Variants in PKHD1 observed in about 807,000 individuals in gnomAD.
The protein encoded by PKHD1 is PKHD1 ciliary IPT domain containing fibrocystin/polyductin.
A neutral mutation model predicts 412.0 loss-of-function variants in PKHD1; 291 were observed. That is an observed-to-expected ratio of 0.71 (90% confidence interval 0.64 to 0.78). PKHD1 has a LOEUF of 0.78. Among genes scored for constraint, PKHD1 ranks in the 30% least tolerant of loss-of-function variants. The probability of loss-of-function intolerance (pLI) is 0.00; values close to 1 mark genes in which losing one functional copy is unlikely to be tolerated. For missense variants in PKHD1, 4,825 were observed against 4,950.7 expected (o/e 0.97, Z 0.76); for synonymous variants, 1,777 against 1,821.5 (o/e 0.98, Z 0.62).
intron 37 of PKHD1, among the ~76,000 whole-genome samples, chr6:51,931,752 T>A (rs1443792678): frequency 6.6e-6 from 1 of 152,190 alleles, no homozygotes; most frequent in Non-Finnish European, 1.5e-5. Context: ...GTCAATTCTC[T>A]GTCCTAAATG....
In PKHD1 at chr6:51,734,802, G is replaced by C. The variant is rs568863013; in HGVS notation, c.10156+9583C>G. Among the ~76,000 whole-genome samples, 105 of 152,036 alleles carry C rather than the reference G, an allele frequency of 6.9e-4. 1 individual carries two copies. The highest frequency in any genetic ancestry group is 1.1e-3 in the Non-Finnish European group (77 of 68,034). Reference sequence around the variant, plus strand: ...AGTACTATGTTGAATCCACACAAACGAAGTGATGTGTTAGCCATCTTATTA... The same window carrying C: ...AGTACTATGTTGAATCCACACAAACCAAGTGATGTGTTAGCCATCTTATTA... On this transcript the variant is annotated intron_variant, in intron 60 of 66. Coordinates refer to ENST00000371117, the MANE Select transcript of PKHD1 (RefSeq NM_138694.4).
At chr6:51,926,269 G>A (rs1338566135) in intron 37 of PKHD1, among the ~76,000 whole-genome samples, 1 of 152,172 alleles carries the variant, frequency 6.6e-6, no homozygotes, top group East Asian at 1.9e-4. Context: ...GAAGCCAGCT[G>A]AGGGGAAAGC....
intron 34 of PKHD1, among the ~76,000 whole-genome samples, chr6:52,011,091 C>T (rs1799760610): frequency 6.6e-6 from 1 of 152,108 alleles, no homozygotes; most frequent in Non-Finnish European, 1.5e-5. Context: ...TAAGGAGATT[C>T]AATATATGTG....
chr6:51,846,207 AG>A (rs1438297924), intron 50 of PKHD1, among the ~76,000 whole-genome samples: 1 of 152,248 alleles, frequency 6.6e-6, no homozygotes, highest in Non-Finnish European at 1.5e-5. Context: ...ACATAAAAAA[AG>A]ACCAAGGGAG....
intron 55 of PKHD1, among the ~76,000 whole-genome samples, chr6:51,756,387 T>C (rs1787014792): frequency 6.6e-6 from 1 of 152,140 alleles, no homozygotes; most frequent in Non-Finnish European, 1.5e-5. Flanking sequence ...ACTGATAAAG[T>C]CCAGCATTTT....
At chr6:51,886,938 C>T (rs1778302524) in intron 44 of PKHD1, among the ~76,000 whole-genome samples, 195 bp downstream of exon 44, 1 of 152,172 alleles carries the variant, frequency 6.6e-6, no homozygotes, top group African/African-American at 2.4e-5. Context: ...TATCTCCAAA[C>T]TCATCAAGTT....
At chr6:51,915,110 G>A (rs1246551941) in intron 37 of PKHD1, among the ~76,000 whole-genome samples, 1 of 152,060 alleles carries the variant, frequency 6.6e-6, no homozygotes, top group Non-Finnish European at 1.5e-5. Context: ...GAAGATGACA[G>A]AGAAGATATG....
intron 60 of PKHD1, among the ~76,000 whole-genome samples, chr6:51,713,936 T>C (rs1297147315): frequency 1.3e-5 from 2 of 152,146 alleles, no homozygotes; most frequent in Non-Finnish European, 2.9e-5. Context: ...CTCTTCTTCT[T>C]CAGGAATTGC....
chr6:52,068,891 CA>C (rs778022287), intron 11 of PKHD1, among the ~76,000 whole-genome samples: 49 of 152,290 alleles, frequency 3.2e-4, no homozygotes, highest in Non-Finnish European at 6.0e-4. Flanking sequence ...GAATCTGAAC[CA>C]ACCCCACAGA....
chr6:51,755,766 T>C (rs1446385556), intron 55 of PKHD1, among the ~76,000 whole-genome samples: 1 of 152,210 alleles, frequency 6.6e-6, no homozygotes, highest in East Asian at 1.9e-4. Flanking sequence ...TGAATGTTCA[T>C]TCAGACAACA....
In PKHD1 at chr6:52,024,728, A is replaced by G; in HGVS notation, c.5082T>C (p.Gly1694=). The G allele has an allele frequency of 6.2e-7, 1 of 1,614,184 alleles. No homozygotes were observed. The highest frequency in any genetic ancestry group is 8.5e-7 in the Non-Finnish European group (1 of 1,180,034). Residue 1694 remains glycine (G), a synonymous_variant, in exon 32 of 67, where the codon GGT becomes GGC. Coordinates refer to ENST00000371117, the MANE Select transcript of PKHD1 (RefSeq NM_138694.4). The part of the protein sequence containing the change: ...DIFIGMSPCV[G]VSGNHTVLQC... ...GAAGAACGGTGTGGTTACCAGAGAC[A>G]CCCACACAGGGTGACATTCCTATAA...
chr6:52,020,526 C>T (rs1046951548), intron 33 of PKHD1, among the ~76,000 whole-genome samples: 2 of 152,174 alleles, frequency 1.3e-5, no homozygotes, highest in African/African-American at 4.8e-5. Context: ...CAGTAGGGCC[C>T]AAGAATTCAC....
At chr6:51,925,442 T>C (rs2127730519) in intron 37 of PKHD1, among the ~76,000 whole-genome samples, 1 of 99,426 alleles carries the variant, frequency 1.0e-5, no homozygotes, top group South Asian at 3.9e-4. Flanking sequence ...GTTCTTCGTG[T>C]GTGTGTGTGT....
At chr6:51,952,100 C>T (rs1790449170) in intron 36 of PKHD1, among the ~76,000 whole-genome samples, 1 of 152,072 alleles carries the variant, frequency 6.6e-6, no homozygotes, top group Admixed American at 6.6e-5. Flanking sequence ...GAAAGCATGT[C>T]CTTTCTCATA....
chr6:52,035,044 T>C (rs115399280), intron 28 of PKHD1, among the ~76,000 whole-genome samples: 1 of 152,300 alleles, frequency 6.6e-6, no homozygotes, highest in African/African-American at 2.4e-5. Flanking sequence ...TCAAATCCCT[T>C]AATAGGCCAT....
chr6:51,910,285 AT>A (rs1208798260), intron 39 of PKHD1, among the ~76,000 whole-genome samples: 5 of 152,110 alleles, frequency 3.3e-5, no homozygotes, highest in Non-Finnish European at 7.4e-5. Context: ...GATAATAAAG[AT>A]TTTTCATGTT....
intron 52 of PKHD1, among the ~76,000 whole-genome samples, chr6:51,802,180 A>G (rs866855714): frequency 9.5e-5 from 14 of 147,162 alleles, no homozygotes; most frequent in Middle Eastern, 6.9e-3. Context: ...ACGACATGGC[A>G]TTGCCATTTA....
At chr6:51,760,866 A>G (rs1787886630) in intron 55 of PKHD1, among the ~76,000 whole-genome samples, 1 of 152,106 alleles carries the variant, frequency 6.6e-6, no homozygotes, top group Non-Finnish European at 1.5e-5. Flanking sequence ...TGTAAATAAC[A>G]GAGTATGTTA....
rs529722115 is a variant in PKHD1, at chr6:51,664,977, T to C, written c.10157-5008A>G. Among the ~76,000 whole-genome samples the C allele has an allele frequency of 3.1e-3, 474 of 152,214 alleles. 3 individuals carry two copies. Among genetic ancestry groups the C allele is most frequent in the African/African-American group, 0.011 (446 of 41,542 alleles). ...TATTAGTTATTATAAAATATTCTCA[T>C]CATTCTTTCCTTTCTACACTCCCCA... On this transcript the variant is annotated intron_variant, in intron 60 of 66. Transcript: ENST00000371117.
Sources: gnomAD v4.1 joint callset for allele counts (sites outside exome capture counted in the v4.1 genomes callset) on GRCh38, gnomAD v4.1.1 for gene constraint, MANE v1.5 for transcripts, NCBI Gene and HGNC (gene_info 2026-07-23, HGNC 2026-07-21) for gene names.